MYO1B: variants seen among roughly 807,000 people sequenced by gnomAD.
MYO1B encodes unconventional myosin-Ib.
MYO1B carries 72 observed loss-of-function variants against 159.7 expected under a neutral mutation model. The observed-to-expected ratio is 0.45, with a 90% CI of 0.37 to 0.55. The LOEUF (loss-of-function observed/expected upper bound fraction) is 0.55. MYO1B is among the 20% of genes least tolerant of loss of function. The pLI is 0.00. For missense variants in MYO1B, 1,062 were observed against 1,364.8 expected (o/e 0.78, Z 3.50); for synonymous variants, 468 against 473.8 (o/e 0.99, Z 0.16).
rs1357823668 is a variant in MYO1B, at chr2:191,383,446, TTTTATA to T, written c.1353+106_1353+111del. 1.1e-4 allele frequency: 4 copies of T among 38,018 alleles called. 1 individual carries two copies. The highest frequency in any genetic ancestry group is 2.9e-3 in the South Asian group (2 of 686). The allele number at this position is 38,018 out of a possible 1,614,324, so 2.4% of individuals were successfully genotyped here. On this transcript the variant is annotated intron_variant, in intron 15 of 30. Transcript: ENST00000392318. ...GTTAAGCATTAGTATTTTCACTGTT[TTTTATA>T]TATATATATATATATATATATACAC... is the stretch of plus-strand genomic sequence containing the variant.
Position 191,423,841 on chromosome 2 carries a change from C to G in MYO1B, c.3292C>G (p.Leu1098Val). The change falls in exon 31 of 31, where the codon CTG becomes GTG. Residue 1098 changes from leucine (L) to valine (V), a missense_variant. Physicochemically the swap from Leu to Val is conservative, Grantham distance 32. Transcript: ENST00000392318. ...KLNIEISDEF[L>V]VQFRQDKVCV... ...TGTTTTATTCTTTTCTCCTAGGTTC[C>G]TGGTACAGTTCAGACAGGACAAAGT... 1 of 1,611,348 alleles carries G rather than the reference C, an allele frequency of 6.2e-7. No individual in the cohort carries two copies. Among genetic ancestry groups the G allele is most frequent in the Non-Finnish European group, 8.5e-7 (1 of 1,178,988 alleles).
At chr2:191,362,219 GA>G in intron 8 of MYO1B, 48 bp from the exon 9 acceptor site, 1 of 1,393,694 alleles carries the variant, frequency 7.2e-7, no homozygotes, top group Non-Finnish European at 1.0e-6. Flanking sequence ...AGATATTAAA[GA>G]TTGGATTTAT....
intron 3 of MYO1B, among the ~76,000 whole-genome samples, chr2:191,321,001 A>G (rs544044674): frequency 6.6e-6 from 1 of 152,140 alleles, no homozygotes. Flanking sequence ...CAGATGGGGC[A>G]CTGGGGGCTG....
intron 3 of MYO1B, among the ~76,000 whole-genome samples, chr2:191,310,021 T>C (rs1377854765): frequency 6.6e-6 from 1 of 152,188 alleles, no homozygotes; most frequent in Non-Finnish European, 1.5e-5. Context: ...AGAGCTGCTG[T>C]TGGTTAGAAA....
At chr2:191,397,578 TC>T in intron 21 of MYO1B, among the ~76,000 whole-genome samples, 1 of 150,878 alleles carries the variant, frequency 6.6e-6, no homozygotes, top group Non-Finnish European at 1.5e-5. Context: ...ATGAAAAGTC[TC>T]CCATGTCTAC....
chr2:191,264,808 C>G (rs143738088), intron 1 of MYO1B, among the ~76,000 whole-genome samples: 74 of 151,368 alleles, frequency 4.9e-4, no homozygotes, highest in African/African-American at 1.7e-3. Context: ...ATGCTCATCC[C>G]AGAATGAGCA....
intron 16 of MYO1B, 125 bp from the exon 17 acceptor site, chr2:191,387,099 T>C: frequency 1.1e-6 from 1 of 890,770 alleles, no homozygotes. Flanking sequence ...GTGACTAACA[T>C]GTCAGGGATT....
At chr2:191,315,761 G>A (rs1047254383) in intron 3 of MYO1B, among the ~76,000 whole-genome samples, 1 of 152,230 alleles carries the variant, frequency 6.6e-6, no homozygotes, top group African/African-American at 2.4e-5. Flanking sequence ...ATGTTACTAA[G>A]TGGAAGCAGC....
chr2:191,321,278 G>A (rs1690693888), intron 3 of MYO1B, among the ~76,000 whole-genome samples: 1 of 152,128 alleles, frequency 6.6e-6, no homozygotes, highest in African/African-American at 2.4e-5. Flanking sequence ...TGATTAGCAA[G>A]GTCTGTAGAG....
intron 4 of MYO1B, among the ~76,000 whole-genome samples, chr2:191,338,125 G>A (rs1338667698): frequency 7.0e-6 from 1 of 142,776 alleles, no homozygotes; most frequent in African/African-American, 2.7e-5. Flanking sequence ...TGAGTTAAAG[G>A]TCAAGTATAT....
chr2:191,414,418 G>GA (rs1697437435), intron 28 of MYO1B, 99 bp from the exon 29 acceptor site: 1 of 1,168,588 alleles, frequency 8.6e-7, no homozygotes, highest in Non-Finnish European at 1.2e-6. Context: ...TATGTTTGTT[G>GA]AAGGATATTG....
chr2:191,394,371 A>G (rs1268827203), intron 20 of MYO1B, among the ~76,000 whole-genome samples: 3 of 152,190 alleles, frequency 2.0e-5, no homozygotes, highest in Non-Finnish European at 2.9e-5. Flanking sequence ...AGGACCAACA[A>G]GAGGACCAAA....
intron 5 of MYO1B, among the ~76,000 whole-genome samples, chr2:191,344,302 G>T (rs1179765268): frequency 6.6e-6 from 1 of 152,152 alleles, no homozygotes; most frequent in African/African-American, 2.4e-5. Flanking sequence ...ACTGGTGGTG[G>T]ACATGAGATA....
chr2:191,281,933 A>G (rs1035418750), intron 2 of MYO1B, among the ~76,000 whole-genome samples: 1 of 152,198 alleles, frequency 6.6e-6, no homozygotes, highest in Admixed American at 6.5e-5. Flanking sequence ...TTAAAAGTAT[A>G]GGAAAAGTTG....
intron 5 of MYO1B, among the ~76,000 whole-genome samples, chr2:191,344,403 T>C (rs993844022): frequency 2.6e-5 from 4 of 152,200 alleles, no homozygotes; most frequent in African/African-American, 7.2e-5. Context: ...TCATCTTCTG[T>C]TGAAGACAGA....
In MYO1B at chr2:191,390,340, T is replaced by G; in HGVS notation, c.1830T>G (p.Ala610=). 6.2e-7 allele frequency: 1 copy of G among 1,614,214 alleles called. No homozygotes were observed. Among genetic ancestry groups the G allele is most frequent in the Non-Finnish European group, 8.5e-7 (1 of 1,180,044 alleles). The change falls in exon 18 of 31, where the codon GCT becomes GCG. Residue 610 remains alanine, a synonymous_variant. Transcript: ENST00000392318. The part of the protein sequence containing the change: ...DKKAAHIFNE[A]LVCHQIRYLG... Reference sequence around the variant, plus strand: ...AAGCAGCACACATCTTCAACGAGGCTCTAGTGTGTCATCAGATCAGGTACC... The same window carrying G: ...AAGCAGCACACATCTTCAACGAGGCGCTAGTGTGTCATCAGATCAGGTACC...
intron 1 of MYO1B, among the ~76,000 whole-genome samples, chr2:191,266,851 T>G (rs1325948432): frequency 2.6e-5 from 4 of 152,240 alleles, no homozygotes; most frequent in Non-Finnish European, 5.9e-5. Flanking sequence ...TTCTAATTAG[T>G]CTAGATGGTA....
chr2:191,330,265 TTAGCGTAGTCTCTGG>T (rs1472651547), intron 4 of MYO1B, among the ~76,000 whole-genome samples: 1 of 152,192 alleles, frequency 6.6e-6, no homozygotes, highest in Non-Finnish European at 1.5e-5. Context: ...CTAGACCTTT[TTAGCGTAGTCTCTGG>T]ATGGTGCAAG....
At chr2:191,348,893 A>G (rs1257335804) in intron 6 of MYO1B, among the ~76,000 whole-genome samples, 1 of 152,112 alleles carries the variant, frequency 6.6e-6, no homozygotes, top group Non-Finnish European at 1.5e-5. Flanking sequence ...CATGTGCTCC[A>G]ACTTCCCTCT....
Sources: gnomAD v4.1 joint callset for allele counts (sites outside exome capture counted in the v4.1 genomes callset) on GRCh38, gnomAD v4.1.1 for gene constraint, MANE v1.5 for transcripts, NCBI Gene and HGNC (gene_info 2026-07-23, HGNC 2026-07-21) for gene names.